The following MEGF10 variants were observed in gnomAD, a reference collection of about 807,000 sequenced individuals.
The protein encoded by MEGF10 is multiple epidermal growth factor-like domains protein 10.
A neutral mutation model predicts 147.5 loss-of-function variants in MEGF10; 86 were observed. The observed-to-expected ratio is 0.58, with a 90% CI of 0.49 to 0.70. The LOEUF (loss-of-function observed/expected upper bound fraction) is 0.70. MEGF10 is among the 30% of genes least tolerant of loss of function. The pLI, the probability that MEGF10 is intolerant of heterozygous loss-of-function variation, is 0.00. For synonymous variants in MEGF10, 478 were observed against 525.5 expected (o/e 0.91, Z 1.24); for missense variants, 1,329 against 1,487.3 (o/e 0.89, Z 1.75).
chr5:127,405,632 G>C (rs1026431039), intron 8 of MEGF10, among the ~76,000 whole-genome samples: 1 of 151,886 alleles, frequency 6.6e-6, no homozygotes. Context: ...ATAAATTTGA[G>C]CCTCCAAATT....
chr5:127,421,092 T>C (rs1177548427), intron 12 of MEGF10, among the ~76,000 whole-genome samples: 1 of 152,234 alleles, frequency 6.6e-6, no homozygotes, highest in Non-Finnish European at 1.5e-5. Flanking sequence ...AGCTGTCAGC[T>C]TTGCTGCCTC....
intron 1 of MEGF10, among the ~76,000 whole-genome samples, chr5:127,326,964 A>T (rs1052305370): frequency 6.6e-6 from 1 of 152,176 alleles, no homozygotes; most frequent in African/African-American, 2.4e-5. Context: ...GTAAGTCAAC[A>T]CCCCATTATT....
At chr5:127,249,688 AG>A in the MEGF10 span, among the ~76,000 whole-genome samples, 5 of 152,132 alleles carry the variant, frequency 3.3e-5, no homozygotes, top group African/African-American at 1.2e-4. Context: ...CTAGGTTGAA[AG>A]GAAAGACATA....
Position 127,362,819 on chromosome 5 carries a change from T to C in MEGF10, c.320-7091T>C, listed in dbSNP as rs1036683173. ...ATTATTGATGTAGTTAGATTTGATT[T>C]CTTCTTGTCCTGTTTTTTGTTCTCA... On this transcript the variant is annotated intron_variant, in intron 4 of 24. Transcript: ENST00000503335. 1.6e-4 allele frequency among the ~76,000 whole-genome samples: 25 copies of C among 152,360 alleles called. No homozygotes were observed. The South Asian group carries it at 5.2e-3, about 32-fold the overall frequency.
At chr5:127,383,346 T>C (rs1052220263) in intron 5 of MEGF10, among the ~76,000 whole-genome samples, 2 of 152,084 alleles carry the variant, frequency 1.3e-5, no homozygotes, top group Non-Finnish European at 2.9e-5. Context: ...AATCAGCTTA[T>C]AGTCCTAGCT....
intron 1 of MEGF10, among the ~76,000 whole-genome samples, chr5:127,309,383 T>C (rs943091025): frequency 2.0e-5 from 3 of 152,178 alleles, no homozygotes; most frequent in Non-Finnish European, 2.9e-5. Context: ...CCACCATCCA[T>C]CTCCAGAACT....
chr5:127,446,657 G>A (rs1325235759), intron 20 of MEGF10, among the ~76,000 whole-genome samples: 1 of 152,198 alleles, frequency 6.6e-6, no homozygotes, highest in Non-Finnish European at 1.5e-5. Flanking sequence ...GCAGTTCAGA[G>A]AACAAAGGGA....
the MEGF10 span, among the ~76,000 whole-genome samples, chr5:127,270,536 T>C: frequency 6.6e-6 from 1 of 152,216 alleles, no homozygotes; most frequent in Non-Finnish European, 1.5e-5. Context: ...GAGCTAACTA[T>C]CTTAAATATA....
chr5:127,277,478 A>T, the MEGF10 span, among the ~76,000 whole-genome samples: 1 of 152,140 alleles, frequency 6.6e-6, no homozygotes, highest in Non-Finnish European at 1.5e-5. Context: ...CTGCTTACAA[A>T]TCTCCATCTC....
rs1449868429 is a variant in MEGF10 at position 127,395,805 on chromosome 5, A to C, written c.413-727A>C. Among the ~76,000 whole-genome samples the C allele has an allele frequency of 4.6e-5, 7 of 151,902 alleles. No homozygotes were observed. The East Asian group carries it at 1.4e-3, about 29-fold the overall frequency. On this transcript the variant is annotated intron_variant, in intron 5 of 24. Transcript: ENST00000503335. ...GTGATCCTCCCGTCTCGGCCTCCCA[A>C]AGTGCTGGGATTACAGGCGTGAGCC...
At chr5:127,259,764 G>A in the MEGF10 span, among the ~76,000 whole-genome samples, 2 of 152,136 alleles carry the variant, frequency 1.3e-5, no homozygotes, top group East Asian at 3.9e-4. Flanking sequence ...AGACTGCCGT[G>A]TCATGGTATT....
intron 5 of MEGF10, among the ~76,000 whole-genome samples, chr5:127,394,423 A>G (rs1329662132): frequency 6.6e-6 from 1 of 152,120 alleles, no homozygotes; most frequent in African/African-American, 2.4e-5. Flanking sequence ...AGTCAGGAGA[A>G]AAAAAGGATT....
intron 4 of MEGF10, among the ~76,000 whole-genome samples, chr5:127,343,042 C>T (rs1050345856): frequency 6.6e-6 from 1 of 152,016 alleles, no homozygotes; most frequent in African/African-American, 2.4e-5. Context: ...CTTTTCTGTA[C>T]TCTTCACAGT....
chr5:127,268,292 A>T, the MEGF10 span, among the ~76,000 whole-genome samples: 4 of 152,268 alleles, frequency 2.6e-5, no homozygotes, highest in Admixed American at 6.5e-5. Flanking sequence ...ACAGTTTGTT[A>T]TAATTTCTGT....
intron 13 of MEGF10, among the ~76,000 whole-genome samples, chr5:127,425,606 C>G (rs1348706039): frequency 1.3e-5 from 2 of 151,854 alleles, no homozygotes; most frequent in Non-Finnish European, 2.9e-5. Context: ...ACAATTGGAC[C>G]AAGAATTGGC....
the MEGF10 span, among the ~76,000 whole-genome samples, chr5:127,241,052 TA>T: frequency 1.3e-5 from 2 of 152,246 alleles, no homozygotes; most frequent in Admixed American, 1.3e-4. Flanking sequence ...TGTACATATT[TA>T]ATTAAATCAC....
At chr5:127,265,194 T>G in the MEGF10 span, among the ~76,000 whole-genome samples, 2 of 152,198 alleles carry the variant, frequency 1.3e-5, no homozygotes, top group African/African-American at 4.8e-5. Flanking sequence ...TGAGATAGTT[T>G]GCTGAGAATG....
At chr5:127,399,277 T>C (rs1297714832) in intron 7 of MEGF10, among the ~76,000 whole-genome samples, 1 of 152,238 alleles carries the variant, frequency 6.6e-6, no homozygotes, top group East Asian at 1.9e-4. Context: ...TTGCAGGACT[T>C]CTCAGAGCCT....
chr5:127,450,235 G>T (rs954924303), intron 22 of MEGF10, among the ~76,000 whole-genome samples: 4 of 152,204 alleles, frequency 2.6e-5, no homozygotes, highest in African/African-American at 9.6e-5. Context: ...TAGTTTTGCA[G>T]CTGGGCACAA....
Sources: allele counts gnomAD v4.1 joint callset (sites outside exome capture counted in the v4.1 genomes callset), GRCh38; gene constraint gnomAD v4.1.1; transcripts MANE v1.5; gene names NCBI Gene and HGNC (gene_info 2026-07-23, HGNC 2026-07-21).